COG5: variants seen among roughly 807,000 people sequenced by gnomAD.
COG5 encodes conserved oligomeric Golgi complex subunit 5.
In COG5, 86 loss-of-function variants were observed where a neutral mutation model predicts 110.4. That is an observed-to-expected ratio of 0.78 (90% CI 0.65 to 0.93). COG5 has a LOEUF of 0.93. Among genes scored for constraint, COG5 ranks in the 40% least tolerant of loss-of-function variants. COG5 has a pLI of 0.00. For synonymous variants in COG5, 360 were observed against 334.6 expected (o/e 1.08, Z -0.83); for missense variants, 1,077 against 987.0 (o/e 1.09, Z -1.22).
intron 12 of COG5, among the ~76,000 whole-genome samples, chr7:107,288,816 G>A (rs1349356072): frequency 6.7e-6 from 1 of 148,970 alleles, no homozygotes; most frequent in Non-Finnish European, 1.5e-5. Context: ...ATATAATTTT[G>A]TCTTTTGTTG....
At chr7:107,488,168 A>AG (rs1215445436) in intron 6 of COG5, among the ~76,000 whole-genome samples, 1 of 151,968 alleles carries the variant, frequency 6.6e-6, no homozygotes, top group Non-Finnish European at 1.5e-5. Context: ...TTATTTAAAA[A>AG]AATTTTAAAA....
At chr7:107,468,930 A>C (rs1796463978) in intron 6 of COG5, among the ~76,000 whole-genome samples, 1 of 151,754 alleles carries the variant, frequency 6.6e-6, no homozygotes, top group African/African-American at 2.4e-5. Context: ...CCTCATCATT[A>C]AAAACAGGAA....
At chr7:107,467,173 G>C (rs1214722903) in intron 6 of COG5, among the ~76,000 whole-genome samples, 2 of 151,998 alleles carry the variant, frequency 1.3e-5, no homozygotes, top group African/African-American at 4.8e-5. Context: ...TTTTAAAAAA[G>C]GATTTTAATT....
chr7:107,557,138 T>TA (rs996401510), intron 2 of COG5, among the ~76,000 whole-genome samples: 1 of 152,144 alleles, frequency 6.6e-6, no homozygotes, highest in Non-Finnish European at 1.5e-5. Flanking sequence ...ATTTTAGAGT[T>TA]AAAATAACCT....
intron 12 of COG5, among the ~76,000 whole-genome samples, chr7:107,294,236 T>A (rs1806408055): frequency 6.6e-6 from 1 of 152,192 alleles, no homozygotes; most frequent in Non-Finnish European, 1.5e-5. Flanking sequence ...ATTTTTCCTA[T>A]CTTAACCAGT....
chr7:107,345,522 C>T (rs986159358), intron 10 of COG5, among the ~76,000 whole-genome samples: 13 of 150,624 alleles, frequency 8.6e-5, no homozygotes, highest in African/African-American at 3.1e-4. Context: ...TAGTCGGGCA[C>T]TTAGAAAGTA....
At chr7:107,270,938 A>C (rs1457123913) in intron 14 of COG5, among the ~76,000 whole-genome samples, 1 of 117,770 alleles carries the variant, frequency 8.5e-6, no homozygotes, top group Non-Finnish European at 1.6e-5. Context: ...TCAATTACCC[A>C]GGCTGGTCTC....
At position 107,404,691 on chromosome 7, in the gene COG5, G is replaced by C. The variant is rs1334054672; in HGVS notation, c.669+7811C>G. Among the ~76,000 whole-genome samples the C allele has an allele frequency of 2.6e-5, 4 of 151,810 alleles. No homozygotes were observed. In the East Asian group the frequency reaches 5.8e-4, roughly 22 times the overall value. On this transcript the variant is annotated intron_variant, in intron 7 of 21. Coordinates refer to ENST00000297135, the MANE Select transcript of COG5 (RefSeq NM_006348.5). ...GTTGATGAGAAGGAGACAGTATAAG[G>C]GAAATGAGGGATGGAAATGTCAACA...
chr7:107,563,551 G>GTT, intron 1 of COG5: 1 of 498,182 alleles, frequency 2.0e-6, no homozygotes, highest in African/African-American at 2.0e-5. Flanking sequence ...GCATGGGGGG[G>GTT]GGGGGGGTCG....
chr7:107,368,562 T>C (rs1813838880), intron 8 of COG5, among the ~76,000 whole-genome samples: 2 of 150,882 alleles, frequency 1.3e-5, no homozygotes, highest in South Asian at 4.1e-4. Context: ...TTTATGTTTT[T>C]CTTTAAGTTT....
At chr7:107,357,764 G>A (rs1562986985) in intron 10 of COG5, among the ~76,000 whole-genome samples, 1 of 152,050 alleles carries the variant, frequency 6.6e-6, no homozygotes, top group East Asian at 1.9e-4. Context: ...GAACTCCTAG[G>A]CTCAAGCAAT....
intron 14 of COG5, among the ~76,000 whole-genome samples, chr7:107,269,708 GT>G (rs1331538436): frequency 1.3e-5 from 2 of 152,046 alleles, no homozygotes; most frequent in Admixed American, 6.5e-5. Flanking sequence ...GTTTATCAAT[GT>G]TTTGTGCTTA....
chr7:107,496,676 A>C (rs1180117339), intron 6 of COG5, among the ~76,000 whole-genome samples: 5 of 150,638 alleles, frequency 3.3e-5, no homozygotes, highest in Admixed American at 6.6e-5. Context: ...AACAAAAAAC[A>C]AAAAACAAAA....
intron 6 of COG5, among the ~76,000 whole-genome samples, chr7:107,427,733 G>A (rs953542656): frequency 6.6e-6 from 1 of 151,974 alleles, no homozygotes; most frequent in East Asian, 1.9e-4. Flanking sequence ...GCCTGTGGCT[G>A]GGCTGGGATT....
intron 7 of COG5, among the ~76,000 whole-genome samples, chr7:107,403,482 C>T (rs113752389): frequency 0.012 from 1,758 of 151,524 alleles, 43 homozygotes; most frequent in African/African-American, 0.039. Context: ...GTGGTTTTGC[C>T]GCACCCATCA....
intron 18 of COG5, among the ~76,000 whole-genome samples, chr7:107,234,574 G>A (rs1801025107): frequency 6.6e-6 from 1 of 152,094 alleles, no homozygotes; most frequent in Non-Finnish European, 1.5e-5. Flanking sequence ...CAGCACTCTC[G>A]TTTTGGCCAT....
At chr7:107,204,197 C>T (rs1798577932) in intron 21 of COG5, among the ~76,000 whole-genome samples, 2 of 152,174 alleles carry the variant, frequency 1.3e-5, no homozygotes, top group South Asian at 4.1e-4. Context: ...GGGGATGTAC[C>T]ATTCCATTGT....
At chr7:107,490,845 T>C (rs1237015008) in intron 6 of COG5, among the ~76,000 whole-genome samples, 1 of 152,180 alleles carries the variant, frequency 6.6e-6, no homozygotes, top group East Asian at 1.9e-4. Context: ...TACAATAGTT[T>C]ATGGCATCAC....
intron 10 of COG5, among the ~76,000 whole-genome samples, chr7:107,345,517 G>A (rs756479837): frequency 2.5e-4 from 38 of 150,286 alleles, no homozygotes; most frequent in Non-Finnish European, 4.3e-4. Flanking sequence ...TAAAGTAGTC[G>A]GGCACTTAGA....
Sources: gnomAD v4.1 joint callset for allele counts (sites outside exome capture counted in the v4.1 genomes callset) on GRCh38, gnomAD v4.1.1 for gene constraint, MANE v1.5 for transcripts, NCBI Gene and HGNC (gene_info 2026-07-23, HGNC 2026-07-21) for gene names.